CCDC150: variants seen among roughly 807,000 people sequenced by gnomAD.
CCDC150 encodes coiled-coil domain containing 150.
A neutral mutation model predicts 156.5 loss-of-function variants in CCDC150; 151 were observed. That is an observed-to-expected ratio of 0.97 (90% CI 0.85 to 1.10). The LOEUF (loss-of-function observed/expected upper bound fraction) is 1.10. Among genes scored for constraint, CCDC150 ranks in the 50% least tolerant of loss-of-function variants. CCDC150 has a pLI of 0.00. For synonymous variants in CCDC150, 452 were observed against 429.4 expected, an observed-to-expected ratio of 1.05 and a Z score of -0.65; for missense variants, 1,312 against 1,268.1, an observed-to-expected ratio of 1.03 and a Z score of -0.53.
chr2:196,645,187 A>C lies in CCDC150; in HGVS notation c.13-1154A>C, dbSNP rs140059677. Among the ~76,000 whole-genome samples, 1,385 of 152,220 alleles carry C rather than the reference A, an allele frequency of 9.1e-3. 11 individuals are homozygous for C. Among genetic ancestry groups the C allele is most frequent in the Non-Finnish European group, 0.013 (855 of 68,010 alleles). On this transcript the variant is annotated intron_variant, in intron 1 of 27. Transcript: ENST00000389175. ...GAAGAAGATACAAAGTGAATTGGAGAGCTATTTCAGGATGAAGAAACATCC... is the reference window on the plus strand; with the variant it reads ...GAAGAAGATACAAAGTGAATTGGAGCGCTATTTCAGGATGAAGAAACATCC...
chr2:196,695,202 T>A (rs1399320560), intron 14 of CCDC150, 43 bp downstream of exon 14: 3 of 1,047,914 alleles, frequency 2.9e-6, no homozygotes, highest in Non-Finnish European at 2.9e-6. Context: ...TAATGACTAA[T>A]GAGTTCAGAA....
intron 13 of CCDC150, among the ~76,000 whole-genome samples, chr2:196,683,756 A>G (rs573794503): frequency 6.6e-5 from 10 of 151,990 alleles, no homozygotes; most frequent in Non-Finnish European, 8.8e-5. Context: ...GGTTCTTTCT[A>G]GGAATTTGTC....
chr2:196,639,737 C>A lies in CCDC150; in HGVS notation c.-30C>A. 6.5e-7 allele frequency: 1 copy of A among 1,542,364 alleles called. No individual in the cohort carries two copies. The highest frequency in any genetic ancestry group is 8.8e-7 in the Non-Finnish European group (1 of 1,136,730). On this transcript the variant is annotated 5_prime_UTR_variant, in exon 1 of 28. The change creates a new upstream start codon in the 5' untranslated region. Coordinates refer to ENST00000389175, the MANE Select transcript of CCDC150 (RefSeq NM_001080539.2). ...GTTAGTTCCACGGAAACCCGCTCGCCTGCTGCAGTACGGAGCCTCAGGCGG... is the reference window on the plus strand; with the variant it reads ...GTTAGTTCCACGGAAACCCGCTCGCATGCTGCAGTACGGAGCCTCAGGCGG...
At chr2:196,655,713 A>G (rs1194949489) in intron 2 of CCDC150, among the ~76,000 whole-genome samples, 1 of 152,028 alleles carries the variant, frequency 6.6e-6, no homozygotes, top group African/African-American at 2.4e-5. Context: ...TGATCTGGGG[A>G]GATTCTTATA....
intron 18 of CCDC150, 139 bp downstream of exon 18, chr2:196,718,770 A>T: frequency 8.6e-7 from 1 of 1,166,922 alleles, no homozygotes; most frequent in Non-Finnish European, 1.1e-6. Flanking sequence ...TGGAGAAAAG[A>T]TAATTTTAGA....
At chr2:196,669,958 G>T in intron 8 of CCDC150, 82 bp downstream of exon 8, 1 of 1,015,822 alleles carries the variant, frequency 9.8e-7, no homozygotes, top group African/African-American at 1.6e-5. Context: ...TTGGCTTACA[G>T]TGCTTCTTAC....
At chr2:196,726,371 TAGAC>T (rs1698211435) in intron 22 of CCDC150, 2 of 285,336 alleles carry the variant, frequency 7.0e-6, no homozygotes, top group Non-Finnish European at 1.4e-5. Flanking sequence ...TGCCATTTGA[TAGAC>T]AGAAGAGAAA....
At chr2:196,694,384 C>T (rs769923826) in intron 13 of CCDC150, among the ~76,000 whole-genome samples, 1 of 151,902 alleles carries the variant, frequency 6.6e-6, no homozygotes, top group African/African-American at 2.4e-5. Flanking sequence ...TATTCATAAG[C>T]TTGAATTGAT....
chr2:196,657,433 G>A, intron 4 of CCDC150: 1 of 254,808 alleles, frequency 3.9e-6, no homozygotes, highest in Non-Finnish European at 7.6e-6. Flanking sequence ...ATGCTAGTTG[G>A]GAGAACAAGC....
intron 13 of CCDC150, chr2:196,686,175 AC>A (rs1339417067): frequency 3.5e-6 from 1 of 283,834 alleles, no homozygotes; most frequent in Non-Finnish European, 6.9e-6. Context: ...TGATCAACAA[AC>A]TGCTGCTGGA....
At chr2:196,711,090 G>A (rs1233386129) in intron 15 of CCDC150, among the ~76,000 whole-genome samples, 2 of 152,150 alleles carry the variant, frequency 1.3e-5, no homozygotes, top group African/African-American at 4.8e-5. Flanking sequence ...TAGAAGTTAG[G>A]TAAGTGCTTG....
intron 9 of CCDC150, among the ~76,000 whole-genome samples, chr2:196,673,433 A>T (rs1398812629): frequency 6.6e-6 from 1 of 152,194 alleles, no homozygotes; most frequent in Admixed American, 6.5e-5. Flanking sequence ...TAGCTTGTAC[A>T]TCTGCATCTG....
At position 196,658,702 on chromosome 2, in the gene CCDC150, G is replaced by GA. The variant is rs1575769511; in HGVS notation, c.577-83dup. On this transcript the variant is annotated intron_variant, in intron 4 of 27. Coordinates refer to ENST00000389175, the MANE Select transcript of CCDC150 (RefSeq NM_001080539.2). The stretch of plus-strand genomic sequence containing the variant: ...TAAAAATAGCATTTATAGGTTGCCA[G>GA]AAAAAAACCTGATTTGATCTGATAT... The GA allele has an allele frequency of 7.6e-6, 7 of 916,050 alleles. No homozygotes were observed. In the Admixed American group the frequency reaches 1.7e-4, roughly 22 times the overall value. The allele number at this position is 916,050 out of a possible 1,614,324, so 56.7% of individuals were successfully genotyped here.
chr2:196,727,730 C>T (rs1349954605), intron 22 of CCDC150: 2 of 151,888 alleles, frequency 1.3e-5, no homozygotes, highest in Admixed American at 6.6e-5. Flanking sequence ...AGAATACTTA[C>T]AGCCGGGCAC....
chr2:196,687,892 A>G (rs7570043), intron 13 of CCDC150, among the ~76,000 whole-genome samples: 137,179 of 152,172 alleles, frequency 0.9, 61,975 homozygotes, highest in East Asian at 0.98. Flanking sequence ...CAGGTTTGTC[A>G]AAGGTCAGAT....
At chr2:196,717,441 T>C (rs960750550) in intron 17 of CCDC150, among the ~76,000 whole-genome samples, 2 of 152,158 alleles carry the variant, frequency 1.3e-5, no homozygotes, top group Non-Finnish European at 2.9e-5. Context: ...CATGCACATA[T>C]ACACATGCAT....
chr2:196,658,623 A>G (rs183683066), intron 4 of CCDC150, among the ~76,000 whole-genome samples, 169 bp from the exon 5 acceptor site: 10 of 152,306 alleles, frequency 6.6e-5, no homozygotes, highest in Non-Finnish European at 1.2e-4. Context: ...CCTGTTAAGT[A>G]ACTCCTGGTA....
chr2:196,685,783 T>A (rs1193879492), intron 13 of CCDC150, among the ~76,000 whole-genome samples: 1 of 152,010 alleles, frequency 6.6e-6, no homozygotes, highest in African/African-American at 2.4e-5. Context: ...GGCTAATTTT[T>A]TTTGTATTTT....
intron 15 of CCDC150, 124 bp from the exon 16 acceptor site, chr2:196,712,015 ATTTTTT>A (rs200886098): frequency 3.0e-5 from 8 of 269,118 alleles, no homozygotes; most frequent in African/African-American, 1.0e-4. Flanking sequence ...ATTCTCTGTA[ATTTTTT>A]TTTTTTTTTT....
Sources: gnomAD v4.1 joint callset for allele counts (sites outside exome capture counted in the v4.1 genomes callset) on GRCh38, gnomAD v4.1.1 for gene constraint, MANE v1.5 for transcripts, NCBI Gene and HGNC (gene_info 2026-07-23, HGNC 2026-07-21) for gene names.